SPECC1: variants seen among roughly 807,000 people sequenced by gnomAD.
SPECC1 encodes cytospin-B.
SPECC1 carries 62 observed loss-of-function variants against 104.1 expected under a neutral mutation model. The ratio of observed to expected loss-of-function variants is 0.60; its 90% CI spans 0.49 to 0.74. The LOEUF is 0.74. SPECC1 is among the 30% of genes least tolerant of loss of function. The pLI, the probability that SPECC1 is intolerant of heterozygous loss-of-function variation, is 0.00. For missense variants in SPECC1, 1,306 were observed against 1,310.5 expected, an observed-to-expected ratio of 1.00 and a Z score of 0.05; for synonymous variants, 513 against 501.6, an observed-to-expected ratio of 1.02 and a Z score of -0.30.
chr17:20,055,915 A>G (rs2045946230), intron 1 of SPECC1, among the ~76,000 whole-genome samples: 1 of 152,164 alleles, frequency 6.6e-6, no homozygotes, highest in Non-Finnish European at 1.5e-5. Context: ...GCACCTTGGG[A>G]AGTGCTATGT....
rs1435291741 is a variant in SPECC1, at chr17:20,314,756, C to T, written c.*691C>T. 4.1e-5 allele frequency: 7 copies of T among 171,634 alleles called. No homozygotes were observed. In the East Asian group the frequency reaches 4.4e-4, roughly 11 times the overall value. 10.6% of individuals were successfully genotyped at this position (171,634 alleles called of 1,614,324 possible). A position where few individuals can be genotyped will look rare whatever the true frequency, so the allele number is the denominator to read the frequency against. On this transcript the variant is annotated 3_prime_UTR_variant, in exon 15 of 15. Coordinates refer to ENST00000395527, the MANE Select transcript of SPECC1 (RefSeq NM_001243439.2). ...CATTTGTTCCAGGGCAACCTGGAAA[C>T]GTGCGTGCGCACTCAGCCTTTTGGG... is the stretch of plus-strand genomic sequence containing the variant.
intron 13 of SPECC1, among the ~76,000 whole-genome samples, chr17:20,300,455 T>C (rs549705756): frequency 4.2e-4 from 64 of 152,250 alleles, no homozygotes; most frequent in Non-Finnish European, 8.5e-4. Context: ...TTTCTAACAC[T>C]GTGCTGGGTG....
chr17:20,187,253 A>G (rs754628110), intron 3 of SPECC1, among the ~76,000 whole-genome samples: 116 of 152,086 alleles, frequency 7.6e-4, no homozygotes, highest in Admixed American at 3.3e-4. Context: ...GTCAGACCAC[A>G]TTTTGAACAC....
At chr17:20,042,272 C>T (rs1287945128) in intron 1 of SPECC1, among the ~76,000 whole-genome samples, 1 of 152,110 alleles carries the variant, frequency 6.6e-6, no homozygotes, top group African/African-American at 2.4e-5. Flanking sequence ...TATTCTGGTT[C>T]CCTACTTGGC....
At chr17:20,130,522 G>A (rs940651853) in intron 3 of SPECC1, among the ~76,000 whole-genome samples, 2 of 152,140 alleles carry the variant, frequency 1.3e-5, no homozygotes, top group African/African-American at 4.8e-5. Context: ...GTGACAGAGC[G>A]AGACCCTGTC....
chr17:20,254,113 G>A (rs1010674426), intron 10 of SPECC1, among the ~76,000 whole-genome samples: 1 of 148,836 alleles, frequency 6.7e-6, no homozygotes, highest in Admixed American at 6.7e-5. Flanking sequence ...TTTTGGTGCA[G>A]TCCTCTTCCT....
chr17:20,060,318 C>A (rs527741269), intron 1 of SPECC1, among the ~76,000 whole-genome samples: 1 of 152,086 alleles, frequency 6.6e-6, no homozygotes, highest in Non-Finnish European at 1.5e-5. Flanking sequence ...AAAGCTTATG[C>A]GGTTTCTACA....
Position 20,227,585 on chromosome 17 carries a change from A to C in SPECC1, c.2036A>C (p.Lys679Thr), listed in dbSNP as rs776787441. The C allele has an allele frequency of 5.0e-6, 8 of 1,611,422 alleles. No homozygotes were observed. The highest frequency in any genetic ancestry group is 6.8e-6 in the Non-Finnish European group (8 of 1,179,490). ...EDQVEQHRAV[K>T]LHNNQLISEL... The stretch of plus-strand genomic sequence containing the variant: ...CAGGTGGAACAGCACCGGGCTGTCA[A>C]GTTACACAATAATCAACTCATCAGT... Residue 679 changes from lysine (K) to threonine (T), a missense_variant, in exon 5 of 15, where the codon AAG (lysine) becomes ACG (threonine). Lys to Thr is a moderately conservative substitution (Grantham distance 78). This residue lies in a region of SPECC1 where 1,177 missense variants were observed against 1,139.9 expected (regional missense o/e 1.03). Transcript: ENST00000395527.
At chr17:20,080,780 CG>C (rs1160125921) in intron 1 of SPECC1, among the ~76,000 whole-genome samples, 6 of 151,984 alleles carry the variant, frequency 3.9e-5, no homozygotes, top group Non-Finnish European at 8.8e-5. Flanking sequence ...GACAAGAAGG[CG>C]GTACAGCAGC....
intron 14 of SPECC1, among the ~76,000 whole-genome samples, chr17:20,311,943 T>C (rs1375657081): frequency 2.0e-5 from 3 of 152,234 alleles, no homozygotes; most frequent in Non-Finnish European, 2.9e-5. Flanking sequence ...AGTTAGTTAA[T>C]GTGACGAATT....
intron 3 of SPECC1, among the ~76,000 whole-genome samples, chr17:20,145,935 G>T (rs1243211836): frequency 6.6e-6 from 1 of 152,160 alleles, no homozygotes; most frequent in Non-Finnish European, 1.5e-5. Flanking sequence ...GGTATTGTAG[G>T]TTTATAGAAA....
chr17:20,277,676 C>T (rs144359985), intron 12 of SPECC1, among the ~76,000 whole-genome samples: 230 of 152,294 alleles, frequency 1.5e-3, no homozygotes, highest in Middle Eastern at 6.8e-3. Context: ...TTTCTATTTC[C>T]GAAATGTTTT....
chr17:20,026,496 T>C (rs2044605520), intron 1 of SPECC1, among the ~76,000 whole-genome samples: 1 of 152,178 alleles, frequency 6.6e-6, no homozygotes, highest in South Asian at 2.1e-4. Context: ...GTGACCCCAT[T>C]TTCTTTTTAG....
intron 3 of SPECC1, among the ~76,000 whole-genome samples, chr17:20,120,883 C>T (rs2048994540): frequency 1.3e-5 from 2 of 152,114 alleles, no homozygotes; most frequent in African/African-American, 2.4e-5. Flanking sequence ...ATCTTTTGGT[C>T]GTAATAATTA....
intron 2 of SPECC1, among the ~76,000 whole-genome samples, chr17:20,099,650 G>A (rs1291172749): frequency 3.9e-5 from 5 of 127,080 alleles, no homozygotes; most frequent in African/African-American, 6.1e-5. Flanking sequence ...AGCCAAGAGC[G>A]CACCACTGCA....
At chr17:20,302,733 A>G (rs983533406) in intron 13 of SPECC1, among the ~76,000 whole-genome samples, 1 of 134,708 alleles carries the variant, frequency 7.4e-6, no homozygotes, top group Non-Finnish European at 1.6e-5. Flanking sequence ...GATACTGAAC[A>G]TAGAAGAAAC....
intron 4 of SPECC1, among the ~76,000 whole-genome samples, chr17:20,223,587 C>G (rs1173331309): frequency 6.6e-6 from 1 of 151,594 alleles, no homozygotes; most frequent in Non-Finnish European, 1.5e-5. Flanking sequence ...GCAGGAGAAT[C>G]GCTTGAACCT....
At chr17:20,253,429 C>A in intron 9 of SPECC1, 76 bp from the exon 10 acceptor site, 2 of 1,361,228 alleles carry the variant, frequency 1.5e-6, no homozygotes, top group East Asian at 4.7e-5. Context: ...CACACGCATG[C>A]ACACACACAC....
intron 12 of SPECC1, among the ~76,000 whole-genome samples, chr17:20,272,668 C>G (rs138061156): frequency 2.6e-3 from 403 of 152,304 alleles, no homozygotes; most frequent in Non-Finnish European, 3.9e-3. Flanking sequence ...TTTCACTTAG[C>G]ATGATGTCCT....
Sources: allele counts gnomAD v4.1 joint callset (sites outside exome capture counted in the v4.1 genomes callset), GRCh38; gene constraint gnomAD v4.1.1; regional missense constraint gnomAD v4.1.1; transcripts MANE v1.5; gene names NCBI Gene and HGNC (gene_info 2026-07-23, HGNC 2026-07-21).